The following FHL5 variants were observed in gnomAD, a reference collection of about 807,000 sequenced individuals.
FHL5 encodes the protein four and a half LIM domains 5, also known as four and a half LIM domains protein 5.
A neutral mutation model predicts 32.0 loss-of-function variants in FHL5; 33 were observed. The observed-to-expected ratio is 1.03, with a 90% CI of 0.78 to 1.38. The LOEUF is 1.38. Among genes scored for constraint, FHL5 ranks in the 40% most tolerant of loss-of-function variants. The pLI, the probability that FHL5 is intolerant of heterozygous loss-of-function variation, is 0.00. For missense variants in FHL5, 336 were observed against 343.9 expected, an observed-to-expected ratio of 0.98 and a Z score of 0.18; for synonymous variants, 114 against 113.6, an observed-to-expected ratio of 1.00 and a Z score of -0.02.
chr6:96,562,682 TC>T (rs1333590215), upstream of FHL5: 4 of 152,090 alleles, frequency 2.6e-5, no homozygotes, highest in Admixed American at 1.3e-4. Context: ...GAGGCCACAA[TC>T]CAGGGGGCCA....
intron 5 of FHL5, among the ~76,000 whole-genome samples, chr6:96,613,322 G>A (rs1438876553): frequency 6.6e-6 from 1 of 152,044 alleles, no homozygotes; most frequent in East Asian, 1.9e-4. Flanking sequence ...CCATCACATT[G>A]AACTGCTTCA....
chr6:96,590,519 A>T (rs1208180330), intron 1 of FHL5, among the ~76,000 whole-genome samples: 1 of 151,970 alleles, frequency 6.6e-6, no homozygotes, highest in East Asian at 1.9e-4. Context: ...GTATTATAGA[A>T]TTTTTTTGAT....
intron 1 of FHL5, among the ~76,000 whole-genome samples, chr6:96,593,050 C>A (rs1582470059): frequency 6.6e-6 from 1 of 151,882 alleles, no homozygotes; most frequent in Non-Finnish European, 1.5e-5. Context: ...ACTTTTTATA[C>A]CTTTTATCAT....
At chr6:96,602,426 CTTTTTTTTTTTTTTTTTTTT>C (rs1168636713) in intron 1 of FHL5, among the ~76,000 whole-genome samples, 50 of 33,704 alleles carry the variant, frequency 1.5e-3, no homozygotes, top group African/African-American at 3.3e-3. Context: ...TGCGTTGTTT[CTTTTTTTTTTTTTTTTTTTT>C]TTTTTTTTTT....
At chr6:96,604,351 T>C (rs1650917500) in intron 2 of FHL5, among the ~76,000 whole-genome samples, 1 of 151,938 alleles carries the variant, frequency 6.6e-6, no homozygotes, top group Admixed American at 6.6e-5. Context: ...CTTCCCTCTT[T>C]CTGCCTTTGT....
chr6:96,572,379 G>C (rs1248518144), intron 1 of FHL5, among the ~76,000 whole-genome samples: 1 of 152,200 alleles, frequency 6.6e-6, no homozygotes, highest in East Asian at 1.9e-4. Context: ...TGCTTCAGCA[G>C]GGGCAGGGGG....
Position 96,604,754 on chromosome 6 carries a change from T to G in FHL5, c.164T>G (p.Leu55Arg). ...KKPIESDSKD[L>R]CYKDRHWHEG... ...CTTTTATTTACTGTCTCAAAGGATC[T>G]TTGTTACAAAGACCGGCACTGGCAT... Residue 55 changes from leucine (L) to arginine (R), a missense_variant, in exon 3 of 6, where the codon CTT (leucine) becomes CGT (arginine). Physicochemically the swap from Leu to Arg is moderately radical, Grantham distance 102 (BLOSUM62 -2). Transcript: ENST00000450218. 1 of 1,605,498 alleles carries G rather than the reference T, an allele frequency of 6.2e-7. No homozygotes were observed. The highest frequency in any genetic ancestry group is 8.5e-7 in the Non-Finnish European group (1 of 1,176,804).
At position 96,610,527 on chromosome 6, in the gene FHL5, T is replaced by G. The variant is rs191390860; in HGVS notation, c.505-45T>G. The stretch of plus-strand genomic sequence containing the variant: ...AAAAGAATCATGAAATGATCTGAAT[T>G]GTAATGGCTCCCATGGTCATTGCCT... On this transcript the variant is annotated intron_variant, in intron 4 of 5. Transcript: ENST00000450218. The G allele has an allele frequency of 1.9e-3, 2,739 of 1,412,082 alleles. 6 individuals are homozygous for G. The highest frequency in any genetic ancestry group is 2.4e-3 in the Non-Finnish European group (2,450 of 1,003,032). The allele number at this position is 1,412,082 out of a possible 1,614,324, so 87.5% of individuals were successfully genotyped here.
intron 1 of FHL5, among the ~76,000 whole-genome samples, chr6:96,596,788 C>T (rs978351254): frequency 6.6e-5 from 10 of 151,984 alleles, no homozygotes; most frequent in Non-Finnish European, 1.3e-4. Context: ...AGCTTGATGG[C>T]TATCTAGTTT....
Position 96,615,705 on chromosome 6 carries a change from G to T in FHL5, c.788G>T (p.Gly263Val), listed in dbSNP as rs763962962. ...GKCSVSLVGK[G>V]FLTQNKEIFC... Reference sequence around the variant, plus strand: ...TGCTCTGTCTCCTTGGTGGGTAAAGGCTTCCTGACCCAGAACAAGGAAATC... The same window carrying T: ...TGCTCTGTCTCCTTGGTGGGTAAAGTCTTCCTGACCCAGAACAAGGAAATC... Residue 263 changes from glycine (G) to valine (V), a missense_variant, in exon 6 of 6, where the codon GGC (glycine) becomes GTC (valine). Physicochemically the swap from Gly to Val is moderately radical, Grantham distance 109. Coordinates refer to ENST00000450218, the MANE Select transcript of FHL5 (RefSeq NM_001322466.2). The T allele has an allele frequency of 9.3e-6, 15 of 1,612,650 alleles. No homozygotes were observed. Among genetic ancestry groups the T allele is most frequent in the East Asian group, 2.2e-5 (1 of 44,824 alleles).
Position 96,583,475 on chromosome 6 carries a change from A to G in FHL5, c.-13+20120A>G, listed in dbSNP as rs575274240. Among the ~76,000 whole-genome samples the G allele has an allele frequency of 5.9e-5, 9 of 152,242 alleles. No homozygotes were observed. The South Asian group carries it at 1.9e-3, about 32-fold the overall frequency. On this transcript the variant is annotated intron_variant, in intron 1 of 5. Coordinates refer to ENST00000450218, the MANE Select transcript of FHL5 (RefSeq NM_001322466.2). ...TTAACATCATAGATATCAATGGACAATGACTTCGCAGTCCTGTCACGATAC... is the reference window on the plus strand; with the variant it reads ...TTAACATCATAGATATCAATGGACAGTGACTTCGCAGTCCTGTCACGATAC...
At chr6:96,606,308 A>G (rs1467807871) in intron 4 of FHL5, among the ~76,000 whole-genome samples, 1 of 151,946 alleles carries the variant, frequency 6.6e-6, no homozygotes, top group Non-Finnish European at 1.5e-5. Flanking sequence ...CAAACAGCTC[A>G]AGTGATTTGG....
chr6:96,588,894 A>G (rs1482555775), intron 1 of FHL5, among the ~76,000 whole-genome samples: 1 of 151,124 alleles, frequency 6.6e-6, no homozygotes, highest in Non-Finnish European at 1.5e-5. Flanking sequence ...AAAAAAAGTA[A>G]CAACCTTTTC....
At chr6:96,612,717 C>A (rs2127975963) in intron 5 of FHL5, among the ~76,000 whole-genome samples, 1 of 152,232 alleles carries the variant, frequency 6.6e-6, no homozygotes, top group Middle Eastern at 3.4e-3. Flanking sequence ...CATCAGTCCA[C>A]AGGAAATGTC....
chr6:96,603,306 T>C (rs552523950), intron 1 of FHL5, among the ~76,000 whole-genome samples: 5 of 152,278 alleles, frequency 3.3e-5, no homozygotes, highest in South Asian at 2.1e-4. Flanking sequence ...CATATTCTCA[T>C]TGAATTCCAC....
intron 1 of FHL5, among the ~76,000 whole-genome samples, chr6:96,575,371 C>A (rs553296121): frequency 7.2e-5 from 11 of 152,280 alleles, no homozygotes; most frequent in African/African-American, 2.4e-4. Context: ...TTATCAACCT[C>A]ATTATTGTTA....
At chr6:96,602,912 C>G (rs1771185111) in intron 1 of FHL5, among the ~76,000 whole-genome samples, 2 of 152,084 alleles carry the variant, frequency 1.3e-5, no homozygotes, top group African/African-American at 2.4e-5. Flanking sequence ...AGAATCCTAC[C>G]TGCTGAGGAG....
At chr6:96,615,494 C>A in intron 5 of FHL5, 115 bp from the exon 6 acceptor site, 1 of 741,744 alleles carries the variant, frequency 1.3e-6, no homozygotes, top group Non-Finnish European at 2.0e-6. Context: ...GGGTTATTTG[C>A]CTCTGCGTTG....
chr6:96,612,398 A>G (rs1213658668), intron 5 of FHL5, among the ~76,000 whole-genome samples: 3 of 152,240 alleles, frequency 2.0e-5, no homozygotes, highest in African/African-American at 7.2e-5. Flanking sequence ...GAAAATAAGG[A>G]AATTAACAAC....
Sources: allele counts gnomAD v4.1 joint callset (sites outside exome capture counted in the v4.1 genomes callset), GRCh38; gene constraint gnomAD v4.1.1; transcripts MANE v1.5; gene names NCBI Gene and HGNC (gene_info 2026-07-23, HGNC 2026-07-21).